The following MYO1D variants were observed in gnomAD, a reference collection of about 807,000 sequenced individuals.
MYO1D encodes the protein myosin ID.
MYO1D carries 83 observed loss-of-function variants against 122.0 expected under a neutral mutation model. The ratio of observed to expected loss-of-function variants is 0.68; its 90% CI spans 0.57 to 0.82. MYO1D has a LOEUF of 0.82. Ranked by LOEUF, MYO1D falls within the 40% of genes least tolerant of loss-of-function variation. The pLI, the probability that MYO1D is intolerant of heterozygous loss-of-function variation, is 0.00. For missense variants in MYO1D, 1,157 were observed against 1,269.5 expected, an observed-to-expected ratio of 0.91 and a Z score of 1.35; for synonymous variants, 464 against 446.9, an observed-to-expected ratio of 1.04 and a Z score of -0.48.
chr17:32,590,771 T>C (rs116633373), intron 21 of MYO1D, among the ~76,000 whole-genome samples: 3,447 of 152,290 alleles, frequency 0.023, 140 homozygotes, highest in African/African-American at 0.078. Flanking sequence ...ACATTCAATT[T>C]AGAAAAAAAT....
chr17:32,677,617 A>G (rs1477537386), intron 16 of MYO1D, among the ~76,000 whole-genome samples: 1 of 145,098 alleles, frequency 6.9e-6, no homozygotes, highest in Non-Finnish European at 1.5e-5. Flanking sequence ...ATATATATAT[A>G]TATATGCACA....
chr17:32,848,900 T>A (rs1014942464), intron 1 of MYO1D, among the ~76,000 whole-genome samples: 4 of 152,226 alleles, frequency 2.6e-5, no homozygotes, highest in Admixed American at 6.5e-5. Flanking sequence ...GACCATTTCA[T>A]AGACACTGCC....
intron 1 of MYO1D, among the ~76,000 whole-genome samples, chr17:32,822,069 G>A (rs937116764): frequency 5.9e-5 from 9 of 152,108 alleles, no homozygotes; most frequent in Admixed American, 3.3e-4. Context: ...AAAGACACAT[G>A]CACACATATG....
At chr17:32,864,291 T>C (rs1238242344) in intron 1 of MYO1D, among the ~76,000 whole-genome samples, 1 of 150,934 alleles carries the variant, frequency 6.6e-6, no homozygotes, top group East Asian at 2.0e-4. Flanking sequence ...AGATTACAGA[T>C]TTTTTTTTAA....
At chr17:32,642,529 C>G (rs1201564483) in intron 19 of MYO1D, among the ~76,000 whole-genome samples, 1 of 152,130 alleles carries the variant, frequency 6.6e-6, no homozygotes, top group Non-Finnish European at 1.5e-5. Context: ...GGCAGTATGG[C>G]CATTTTCACG....
intron 20 of MYO1D, among the ~76,000 whole-genome samples, chr17:32,621,380 T>G (rs1048711700): frequency 5.3e-5 from 8 of 152,038 alleles, no homozygotes; most frequent in African/African-American, 1.9e-4. Context: ...GTGATTATTT[T>G]TGTTTGCATT....
At chr17:32,736,011 C>G (rs534780341) in intron 14 of MYO1D, among the ~76,000 whole-genome samples, 65 of 151,656 alleles carry the variant, frequency 4.3e-4, no homozygotes, top group African/African-American at 1.5e-3. Context: ...ATGATGAATA[C>G]CAATTATTTA....
At chr17:32,767,874 G>A (rs1289593165) in intron 6 of MYO1D, 122 bp from the exon 7 acceptor site, 2 of 627,714 alleles carry the variant, frequency 3.2e-6, no homozygotes, top group Admixed American at 2.6e-5. Flanking sequence ...AGGGGATGGT[G>A]AGTCTCCAGA....
At chr17:32,773,502 G>A (rs1415856757) in intron 4 of MYO1D, among the ~76,000 whole-genome samples, 3 of 145,292 alleles carry the variant, frequency 2.1e-5, no homozygotes, top group South Asian at 4.7e-4. Flanking sequence ...TTTCCTGGGT[G>A]GCAAGTACCA....
At chr17:32,729,569 C>T (rs2089613385) in intron 14 of MYO1D, among the ~76,000 whole-genome samples, 1 of 152,134 alleles carries the variant, frequency 6.6e-6, no homozygotes, top group East Asian at 1.9e-4. Context: ...TTGGTAAGTG[C>T]ATCTCGGAGC....
chr17:32,854,094 C>T (rs1405808918), intron 1 of MYO1D, among the ~76,000 whole-genome samples: 1 of 152,090 alleles, frequency 6.6e-6, no homozygotes, highest in African/African-American at 2.4e-5. Flanking sequence ...ACTTTTTTTA[C>T]TAGCAATATC....
intron 10 of MYO1D, among the ~76,000 whole-genome samples, chr17:32,756,663 G>T (rs2089950398): frequency 6.6e-6 from 1 of 150,988 alleles, no homozygotes. Flanking sequence ...TTTCCCCAAA[G>T]TTAAAAAGCT....
chr17:32,857,604 A>G (rs890380199), intron 1 of MYO1D, among the ~76,000 whole-genome samples: 1 of 146,610 alleles, frequency 6.8e-6, no homozygotes, highest in African/African-American at 2.5e-5. Flanking sequence ...AAAAAAAAAT[A>G]GACTCCTTTA....
chr17:32,591,383 G>A (rs2087437295), intron 21 of MYO1D, among the ~76,000 whole-genome samples: 1 of 152,166 alleles, frequency 6.6e-6, no homozygotes, highest in Non-Finnish European at 1.5e-5. Context: ...ATCTGGAAGT[G>A]GGCAGGTGGG....
intron 1 of MYO1D, among the ~76,000 whole-genome samples, chr17:32,830,860 C>A (rs1301334012): frequency 1.3e-5 from 2 of 152,084 alleles, no homozygotes; most frequent in Non-Finnish European, 2.9e-5. Context: ...GAGATGGAGA[C>A]CAACCTGTGT....
chr17:32,834,418 AC>A (rs1048418729), intron 1 of MYO1D, among the ~76,000 whole-genome samples: 4 of 152,170 alleles, frequency 2.6e-5, no homozygotes, highest in African/African-American at 9.7e-5. Flanking sequence ...GGCCAAGGTC[AC>A]CTGGCCCCCA....
intron 14 of MYO1D, among the ~76,000 whole-genome samples, chr17:32,726,123 G>T (rs1324810288): frequency 6.6e-6 from 1 of 152,122 alleles, no homozygotes; most frequent in East Asian, 1.9e-4. Context: ...CAGATGGAAG[G>T]TCAACAATAT....
rs58606294 is a variant in MYO1D, at chr17:32,694,707, C to CAAAA, written c.2121+17277_2121+17280dup. On this transcript the variant is annotated intron_variant, in intron 16 of 21. Coordinates refer to ENST00000318217, the MANE Select transcript of MYO1D (RefSeq NM_015194.3). ...TGGGCGACAGAGCGAGACTCCGTCT[C>CAAAA]AAAAAAAAAAAAAAAAAAAAAAAAA... 7.8e-3 allele frequency among the ~76,000 whole-genome samples: 433 copies of CAAAA among 55,730 alleles called. 19 individuals are homozygous for CAAAA. Among genetic ancestry groups the CAAAA allele is most frequent in the Middle Eastern group, 0.016 (1 of 64 alleles). 36.6% of individuals were successfully genotyped at this position (55,730 alleles called of 152,430 possible).
intron 14 of MYO1D, among the ~76,000 whole-genome samples, chr17:32,736,617 G>C (rs1012875914): frequency 5.9e-5 from 9 of 152,292 alleles, no homozygotes; most frequent in African/African-American, 2.2e-4. Flanking sequence ...TTCATTAGAA[G>C]GTGAATGCAA....
Sources: allele counts gnomAD v4.1 joint callset (sites outside exome capture counted in the v4.1 genomes callset), GRCh38; gene constraint gnomAD v4.1.1; transcripts MANE v1.5; gene names NCBI Gene and HGNC (gene_info 2026-07-23, HGNC 2026-07-21).